The following CFAP70 variants were observed in gnomAD, a reference collection of about 807,000 sequenced individuals.
The protein encoded by CFAP70 is cilia and flagella associated protein 70.
A neutral mutation model predicts 137.6 loss-of-function variants in CFAP70; 81 were observed. The observed-to-expected ratio is 0.59, with a 90% CI of 0.49 to 0.71. The LOEUF is 0.71. CFAP70 is among the 30% of genes least tolerant of loss of function. The probability of loss-of-function intolerance (pLI) is 0.00; values close to 1 mark genes in which losing one functional copy is unlikely to be tolerated. For synonymous variants in CFAP70, 382 were observed against 423.6 expected, an observed-to-expected ratio of 0.90 and a Z score of 1.20; for missense variants, 976 against 1,226.7, an observed-to-expected ratio of 0.80 and a Z score of 3.05.
intron 14 of CFAP70, among the ~76,000 whole-genome samples, 162 bp from the exon 16 acceptor site, chr10:73,297,335 A>C (rs756725211): frequency 3.9e-5 from 6 of 152,162 alleles, no homozygotes; most frequent in African/African-American, 1.4e-4. Context: ...AATTTCCCCC[A>C]ATCAACATAC....
chr10:73,339,533 G>A (rs1001685418), intron 6 of CFAP70, among the ~76,000 whole-genome samples: 1 of 152,190 alleles, frequency 6.6e-6, no homozygotes, highest in Admixed American at 6.5e-5. Flanking sequence ...GGCCTGGCAG[G>A]CTATGCTAGG....
chr10:73,299,123 GGTA>G, intron 13 of CFAP70, 22 bp from the exon 15 acceptor site: 1 of 1,578,606 alleles, frequency 6.3e-7, no homozygotes, highest in Non-Finnish European at 8.7e-7. Context: ...CAAAACATCT[GGTA>G]GACGCCTCAG....
At chr10:73,288,863 A>AT (rs1564789669) in intron 19 of CFAP70, among the ~76,000 whole-genome samples, 1 of 152,220 alleles carries the variant, frequency 6.6e-6, no homozygotes, top group Non-Finnish European at 1.5e-5. Context: ...CTTCCTTCCC[A>AT]TATTATTCAG....
chr10:73,312,087 T>C (rs901777004), intron 10 of CFAP70, among the ~76,000 whole-genome samples, 173 bp from the exon 12 acceptor site: 5 of 152,084 alleles, frequency 3.3e-5, no homozygotes, highest in Non-Finnish European at 7.4e-5. Flanking sequence ...TCTCAGCAAC[T>C]AACACAGGAA....
intron 3 of CFAP70, among the ~76,000 whole-genome samples, chr10:73,351,362 C>T (rs1013471753): frequency 6.6e-6 from 1 of 151,894 alleles, no homozygotes; most frequent in African/African-American, 2.4e-5. Flanking sequence ...TCGTGATCTG[C>T]CCGCCTTGGC....
chr10:73,262,870 C>G (rs2045398318), intron 25 of CFAP70, among the ~76,000 whole-genome samples: 1 of 151,954 alleles, frequency 6.6e-6, no homozygotes, highest in Admixed American at 6.5e-5. Context: ...GTGTGTTTAT[C>G]TACATAAACA....
At chr10:73,292,068 TACGACATC>T in intron 16 of CFAP70, 54 bp from the exon 18 acceptor site, 1 of 1,594,672 alleles carries the variant, frequency 6.3e-7, no homozygotes, top group Non-Finnish European at 8.6e-7. Context: ...TTTTTATGCA[TACGACATC>T]ACATGGTAAA....
chr10:73,269,576 C>A (rs1270776653), intron 25 of CFAP70, 38 bp downstream of exon 26: 3 of 1,489,814 alleles, frequency 2.0e-6, no homozygotes, highest in African/African-American at 2.8e-5. Context: ...CACCTCTGTG[C>A]CCTAAAAGGG....
intron 6 of CFAP70, among the ~76,000 whole-genome samples, chr10:73,341,181 TTAAAA>T (rs1372374768): frequency 6.6e-6 from 1 of 152,216 alleles, no homozygotes; most frequent in African/African-American, 2.4e-5. Flanking sequence ...ATCAGTAAAT[TTAAAA>T]TAAAATAAAG....
intron 12 of CFAP70, among the ~76,000 whole-genome samples, chr10:73,301,388 GCTCT>G (rs2048944778): frequency 6.6e-6 from 1 of 152,094 alleles, no homozygotes; most frequent in Non-Finnish European, 1.5e-5. Context: ...CTCCCTCCCT[GCTCT>G]CTCTGTCTTT....
chr10:73,307,896 GC>G (rs111738090), intron 12 of CFAP70, among the ~76,000 whole-genome samples: 15,996 of 151,480 alleles, frequency 0.11, 1,219 homozygotes, highest in East Asian at 0.3. Flanking sequence ...TGTAATCCTA[GC>G]ACTTTGGGAG....
At chr10:73,354,304 C>G (rs1182509248) in intron 2 of CFAP70, among the ~76,000 whole-genome samples, 1 of 152,150 alleles carries the variant, frequency 6.6e-6, no homozygotes, top group African/African-American at 2.4e-5. Context: ...TAATTACATC[C>G]TCTTTGGAAT....
At chr10:73,325,121 GACTA>G (rs1409890712) in intron 8 of CFAP70, among the ~76,000 whole-genome samples, 1 of 152,184 alleles carries the variant, frequency 6.6e-6, no homozygotes, top group Non-Finnish European at 1.5e-5. Context: ...AAGCCCATCA[GACTA>G]ACAGCGGATC....
intron 4 of CFAP70, chr10:73,345,161 G>A: frequency 6.2e-7 from 1 of 1,614,156 alleles, no homozygotes; most frequent in Non-Finnish European, 8.5e-7. Context: ...CCTCCAACGT[G>A]ACCTTCAGTA....
At chr10:73,307,783 A>G (rs2049514403) in intron 12 of CFAP70, among the ~76,000 whole-genome samples, 1 of 152,150 alleles carries the variant, frequency 6.6e-6, no homozygotes, top group South Asian at 2.1e-4. Flanking sequence ...TAGTCCTACA[A>G]TAATAGAGAC....
chr10:73,301,392 T>G (rs987405434), intron 12 of CFAP70, among the ~76,000 whole-genome samples: 6 of 152,242 alleles, frequency 3.9e-5, no homozygotes, highest in African/African-American at 1.4e-4. Flanking sequence ...CTCCCTGCTC[T>G]CTCTGTCTTT....
At chr10:73,309,730 C>T (rs919705511) in intron 12 of CFAP70, among the ~76,000 whole-genome samples, 1 of 149,370 alleles carries the variant, frequency 6.7e-6, no homozygotes, top group Non-Finnish European at 1.5e-5. Context: ...GATCTCGGCT[C>T]ACTGCAACCT....
intron 19 of CFAP70, among the ~76,000 whole-genome samples, chr10:73,281,286 G>A (rs1042491579): frequency 7.3e-5 from 11 of 151,582 alleles, no homozygotes; most frequent in African/African-American, 2.2e-4. Context: ...CCAGGCTCAC[G>A]TGATCCTCCC....
chr10:73,320,032 G>A (rs2050717253), intron 9 of CFAP70, among the ~76,000 whole-genome samples: 1 of 152,116 alleles, frequency 6.6e-6, no homozygotes, highest in Non-Finnish European at 1.5e-5. Context: ...CTGTATTTCA[G>A]AAATAGTAGC....
Sources: gnomAD v4.1 joint callset for allele counts (sites outside exome capture counted in the v4.1 genomes callset) on GRCh38, gnomAD v4.1.1 for gene constraint, MANE v1.5 for transcripts, NCBI Gene and HGNC (gene_info 2026-07-23, HGNC 2026-07-21) for gene names.